SOCS7: variants seen among roughly 807,000 people sequenced by gnomAD.
SOCS7 encodes the protein suppressor of cytokine signaling 7, also known as NAP-4.
In SOCS7, 18 loss-of-function variants were observed where a neutral mutation model predicts 58.9. That is an observed-to-expected ratio of 0.31 (90% CI 0.21 to 0.45). The LOEUF (loss-of-function observed/expected upper bound fraction) is 0.45, where lower values mean the gene tolerates loss of function less well. Ranked by LOEUF, SOCS7 falls within the 20% of genes least tolerant of loss-of-function variation. SOCS7 has a pLI of 1.00. For synonymous variants in SOCS7, 388 were observed against 364.3 expected (o/e 1.06, Z -0.74); for missense variants, 667 against 837.3 (o/e 0.80, Z 2.51).
chr17:38,386,362 C>G (rs1039644841), intron 7 of SOCS7, among the ~76,000 whole-genome samples: 1 of 147,910 alleles, frequency 6.8e-6, no homozygotes, highest in Non-Finnish European at 1.5e-5. Context: ...GCCAGGTGGC[C>G]GAGGCAGGGT....
In SOCS7 at chr17:38,395,307, A is replaced by G; in HGVS notation, c.1682-2A>G. 6.2e-7 allele frequency: 1 copy of G among 1,613,274 alleles called. No individual in the cohort carries two copies. Among genetic ancestry groups the G allele is most frequent in the Non-Finnish European group, 8.5e-7 (1 of 1,179,454 alleles). On this transcript the variant is annotated splice_acceptor_variant, in intron 7 of 9. Transcript: ENST00000612932. LOFTEE classifies it high-confidence loss of function. ...TACTTTCCTTTGTTTTCTTTCTTGA[A>G]GGACTGCCACCAACTCCTGTCCAGC...
chr17:38,382,645 C>T (rs566099964), intron 7 of SOCS7, among the ~76,000 whole-genome samples: 34 of 151,998 alleles, frequency 2.2e-4, no homozygotes, highest in East Asian at 1.6e-3. Flanking sequence ...CCCGCCACCA[C>T]GCCCAGCTAA....
rs191445381 is a variant in SOCS7 at position 38,358,759 on chromosome 17, C to G, written c.981-2952C>G. Among the ~76,000 whole-genome samples, 58 of 152,264 alleles carry G rather than the reference C, an allele frequency of 3.8e-4. 1 individual carries two copies. The East Asian group carries it at 7.9e-3, about 21-fold the overall frequency. ...CCTTTTAGCCTCCTAGACTTTAGAC[C>G]TTTTACCTTTCCAAGCATCCAGCCA... On this transcript the variant is annotated intron_variant, in intron 1 of 9. Transcript: ENST00000612932.
In SOCS7 at chr17:38,388,770, C is replaced by A. The variant is rs536988488; in HGVS notation, c.1682-6539C>A. On this transcript the variant is annotated intron_variant, in intron 7 of 9. Coordinates refer to ENST00000612932, the MANE Select transcript of SOCS7 (RefSeq NM_014598.4). ...CATACAATATTTTTATGTCTTGTTT[C>A]TTTTACTTAGCATAATGTTTTCAAA... Among the ~76,000 whole-genome samples, 48 of 152,242 alleles carry A rather than the reference C, an allele frequency of 3.2e-4. No individual in the cohort carries two copies. In the East Asian group the frequency reaches 7.1e-3, roughly 23 times the overall value.
Position 38,403,372 on chromosome 17 carries a change from G to C in SOCS7, c.*3890G>C, listed in dbSNP as rs184560147. On this transcript the variant is annotated 3_prime_UTR_variant, in exon 10 of 10. Coordinates refer to ENST00000612932, the MANE Select transcript of SOCS7 (RefSeq NM_014598.4). ...TGGGAGTAGAACCAGAAGTGCCCTG[G>C]AATCCAGCCGTGTCAGCCCTCACCC... 1 of 152,394 alleles carries C rather than the reference G, an allele frequency of 6.6e-6. No individual in the cohort carries two copies. Among genetic ancestry groups the C allele is most frequent in the Non-Finnish European group, 1.5e-5 (1 of 68,124 alleles). The allele number at this position is 152,394 out of a possible 1,614,324, so 9.4% of individuals were successfully genotyped here. A position where few individuals can be genotyped will look rare whatever the true frequency, so the allele number is the denominator to read the frequency against.
chr17:38,356,441 G>C (rs1345658976), intron 1 of SOCS7, among the ~76,000 whole-genome samples: 1 of 151,572 alleles, frequency 6.6e-6, no homozygotes, highest in Non-Finnish European at 1.5e-5. Context: ...GCAGTGGCCC[G>C]ATCTTGGCTC....
chr17:38,352,097 C>G lies in SOCS7; in HGVS notation c.45C>G (p.Ala15=). 1 of 635,158 alleles carries G rather than the reference C, an allele frequency of 1.6e-6. No homozygotes were observed. The highest frequency in any genetic ancestry group is 2.2e-6 in the Non-Finnish European group (1 of 453,776). The allele number at this position is 635,158 out of a possible 1,614,324, so 39.3% of individuals were successfully genotyped here. ...GGGATGGCGAGGCGGCGGCGGCGGC[C>G]GCTTCGTACCGCGTCCTGAGCCGCC... ...ELRDGEAAAA[A]ASYRVLSRLL... is the part of the protein sequence containing the mutation. The change falls in exon 1 of 10, where the codon GCC becomes GCG. Residue 15 remains alanine, a synonymous_variant. Transcript: ENST00000612932. This position sits in a 1 kb window ranked among gnomAD's most constrained non-coding sequence, Gnocchi z 5.5.
intron 6 of SOCS7, among the ~76,000 whole-genome samples, chr17:38,368,780 GT>G (rs2037824867): frequency 6.6e-6 from 1 of 152,308 alleles, no homozygotes; most frequent in South Asian, 2.1e-4. Context: ...TGGATTACAG[GT>G]GTGTCTGAAT....
At chr17:38,360,579 G>T (rs780151386) in intron 1 of SOCS7, among the ~76,000 whole-genome samples, 1 of 148,060 alleles carries the variant, frequency 6.8e-6, no homozygotes, top group East Asian at 2.0e-4. Flanking sequence ...TCGCTCTGTC[G>T]CCCAGGCTGG....
At chr17:38,377,012 G>C (rs72834014) in intron 6 of SOCS7, among the ~76,000 whole-genome samples, 7,196 of 152,236 alleles carry the variant, frequency 0.047, 196 homozygotes, top group Middle Eastern at 0.2. Flanking sequence ...GCAATAGGCT[G>C]TACCACATAG....
chr17:38,366,186 C>G (rs2037786838), intron 4 of SOCS7, 101 bp from the exon 5 acceptor site: 2 of 1,499,752 alleles, frequency 1.3e-6, no homozygotes, highest in South Asian at 1.3e-5. Flanking sequence ...CTTCTAATGC[C>G]TTGCCCTCTT....
intron 7 of SOCS7, among the ~76,000 whole-genome samples, chr17:38,389,044 A>C (rs1408556842): frequency 6.6e-6 from 1 of 152,262 alleles, no homozygotes; most frequent in Non-Finnish European, 1.5e-5. Flanking sequence ...ATTTAACCCC[A>C]TGCCAGACTC....
rs146389540 is a variant in SOCS7, at chr17:38,382,902, C to T, written c.1681+5060C>T. On this transcript the variant is annotated intron_variant, in intron 7 of 9. Transcript: ENST00000612932. Reference sequence around the variant, plus strand: ...TGTTTACCAGGGTTTCTCAGCTCTGCATTATTGACATTTTAGGCTGGACAG... The same window carrying T: ...TGTTTACCAGGGTTTCTCAGCTCTGTATTATTGACATTTTAGGCTGGACAG... Among the ~76,000 whole-genome samples, 666 of 152,236 alleles carry T rather than the reference C, an allele frequency of 4.4e-3. 7 individuals are homozygous for T. Among genetic ancestry groups the T allele is most frequent in the African/African-American group, 0.015 (632 of 41,526 alleles).
Position 38,352,787 on chromosome 17 carries a change from G to C in SOCS7, c.735G>C (p.Gln245His). 1.3e-6 allele frequency: 2 copies of C among 1,550,788 alleles called. No homozygotes were observed. The highest frequency in any genetic ancestry group is 1.7e-6 in the Non-Finnish European group (2 of 1,147,622). The change falls in exon 1 of 10, where the codon CAG (glutamine) becomes CAC (histidine). Residue 245 changes from glutamine (Q) to histidine (H), a missense_variant. Coordinates refer to ENST00000612932, the MANE Select transcript of SOCS7 (RefSeq NM_014598.4). This position sits in a 1 kb window ranked among gnomAD's most constrained non-coding sequence, Gnocchi z 5.5. ...GGCGCCTGAGTAGAGGGGAGCAGCA[G>C]CAGCAGCAGCAGCAGCAACCTCCCC... ...PLGRLSRGEQ[Q>H]QQQQQQPPPP... is the part of the protein sequence containing the mutation.
intron 7 of SOCS7, among the ~76,000 whole-genome samples, chr17:38,390,401 G>C (rs1432048510): frequency 3.3e-5 from 5 of 152,014 alleles, no homozygotes; most frequent in Non-Finnish European, 1.5e-5. Context: ...TGGGTCTCTT[G>C]CATTTCCATA....
At chr17:38,372,235 T>C (rs780316944) in intron 6 of SOCS7, among the ~76,000 whole-genome samples, 6 of 152,344 alleles carry the variant, frequency 3.9e-5, no homozygotes, top group South Asian at 2.1e-4. Flanking sequence ...GAATAAAATA[T>C]ATGTGGATAC....
At chr17:38,374,693 T>G (rs1306927947) in intron 6 of SOCS7, among the ~76,000 whole-genome samples, 2 of 152,154 alleles carry the variant, frequency 1.3e-5, no homozygotes, top group African/African-American at 2.4e-5. Context: ...TTAGAGAAAT[T>G]CAAGAACTCA....
intron 8 of SOCS7, 94 bp downstream of exon 8, chr17:38,395,538 C>A: frequency 1.6e-6 from 2 of 1,254,056 alleles, no homozygotes; most frequent in Non-Finnish European, 2.3e-6. Context: ...CCTTCACAGG[C>A]AGAGTCTGGC....
Position 38,399,896 on chromosome 17 carries a change from A to C in SOCS7, c.*414A>C, listed in dbSNP as rs1205462012. On this transcript the variant is annotated 3_prime_UTR_variant, in exon 10 of 10. Transcript: ENST00000612932. Reference sequence around the variant, plus strand: ...CAAAGAAGGGGTGGGAGGAGGGAACAGGGGACGGCCATTCAGCTGGTGCCA... The same window carrying C: ...CAAAGAAGGGGTGGGAGGAGGGAACCGGGGACGGCCATTCAGCTGGTGCCA... The C allele has an allele frequency of 6.6e-6, 1 of 152,360 alleles. No individual in the cohort carries two copies. 9.4% of individuals were successfully genotyped at this position (152,360 alleles called of 1,614,324 possible).
Sources: allele counts gnomAD v4.1 joint callset (sites outside exome capture counted in the v4.1 genomes callset), GRCh38; gene constraint gnomAD v4.1.1; non-coding constraint Gnocchi (gnomAD v3.1); transcripts MANE v1.5; gene names NCBI Gene and HGNC (gene_info 2026-07-23, HGNC 2026-07-21).